Variants in KCNK2 observed in about 807,000 individuals in gnomAD.
The protein encoded by KCNK2 is potassium two pore domain channel subfamily K member 2.
Under a neutral mutation model 40.5 loss-of-function variants are expected in KCNK2, and 21 were observed. That is an observed-to-expected ratio of 0.52 (90% confidence interval 0.37 to 0.75). The LOEUF is 0.75. Among genes scored for constraint, KCNK2 ranks in the 30% least tolerant of loss-of-function variants. KCNK2 has a pLI of 0.00. For synonymous variants in KCNK2, 191 were observed against 202.2 expected, an observed-to-expected ratio of 0.94 and a Z score of 0.47; for missense variants, 399 against 531.6, an observed-to-expected ratio of 0.75 and a Z score of 2.45.
chr1:215,122,193 G>T (rs1381060716), intron 2 of KCNK2, among the ~76,000 whole-genome samples: 1 of 151,882 alleles, frequency 6.6e-6, no homozygotes, highest in Non-Finnish European at 1.5e-5. Context: ...ATCTTCCTTG[G>T]TATGAAGTTT....
chr1:215,088,828 C>A (rs910894112), intron 2 of KCNK2, among the ~76,000 whole-genome samples: 1 of 152,114 alleles, frequency 6.6e-6, no homozygotes, highest in South Asian at 2.1e-4. Context: ...CATTGGCAAT[C>A]CATTTTAGCT....
At chr1:215,058,275 C>T (rs1658238714) in intron 1 of KCNK2, among the ~76,000 whole-genome samples, 1 of 151,992 alleles carries the variant, frequency 6.6e-6, no homozygotes. Context: ...TTCCTTTTTT[C>T]CTTTTAGGGG....
intron 3 of KCNK2, among the ~76,000 whole-genome samples, chr1:215,156,061 C>CTGTGTGTGTG (rs112439818): frequency 6.7e-6 from 1 of 148,638 alleles, no homozygotes; most frequent in African/African-American, 2.5e-5. Flanking sequence ...TATAGGTAGT[C>CTGTGTGTGTG]TGTGTGTGTG....
At position 215,042,210 on chromosome 1, in the gene KCNK2, C is replaced by T. The variant is rs538310204; in HGVS notation, c.34+36255C>T. ...TATGCTAAGCAAATGCAGAAAGACA[C>T]AGATAGGACATAAGATCAAGGGCAC... On this transcript the variant is annotated intron_variant, in intron 1 of 6. Coordinates refer to the KCNK2 transcript ENST00000391895. 5.3e-5 allele frequency among the ~76,000 whole-genome samples: 8 copies of T among 152,256 alleles called. No homozygotes were observed. The East Asian group carries it at 1.5e-3, about 29-fold the overall frequency.
intron 1 of KCNK2, among the ~76,000 whole-genome samples, chr1:215,084,358 T>G (rs1659336468): frequency 6.6e-6 from 1 of 152,160 alleles, no homozygotes; most frequent in African/African-American, 2.4e-5. Flanking sequence ...TGTAAACCAC[T>G]GATGTGAAAA....
At chr1:215,057,394 G>A (rs1658206879) in intron 1 of KCNK2, among the ~76,000 whole-genome samples, 2 of 152,138 alleles carry the variant, frequency 1.3e-5, no homozygotes, top group Non-Finnish European at 2.9e-5. Context: ...CAGGGCAGAA[G>A]GAGTAGAGTC....
intron 3 of KCNK2, among the ~76,000 whole-genome samples, chr1:215,167,794 G>T (rs1008168887): frequency 2.6e-5 from 4 of 151,914 alleles, no homozygotes; most frequent in African/African-American, 9.7e-5. Flanking sequence ...ATAGTCAACA[G>T]GATTATCAGC....
At chr1:215,213,345 A>G (rs562650534) in intron 6 of KCNK2, among the ~76,000 whole-genome samples, 2 of 152,314 alleles carry the variant, frequency 1.3e-5, no homozygotes, top group Admixed American at 1.3e-4. Context: ...GCAGTGGCTC[A>G]CGCCTGTAAT....
At chr1:215,142,452 T>A (rs1662225633) in intron 3 of KCNK2, among the ~76,000 whole-genome samples, 1 of 152,164 alleles carries the variant, frequency 6.6e-6, no homozygotes, top group South Asian at 2.1e-4. Context: ...TAATATAGCA[T>A]GTTATGTGTT....
intron 6 of KCNK2, among the ~76,000 whole-genome samples, chr1:215,214,556 T>C (rs1036511620): frequency 2.0e-5 from 3 of 152,138 alleles, no homozygotes; most frequent in Non-Finnish European, 2.9e-5. Context: ...CCAGGCTCAG[T>C]GACCCATGCA....
At chr1:215,016,969 A>G (rs1656611750) in intron 1 of KCNK2, among the ~76,000 whole-genome samples, 1 of 152,126 alleles carries the variant, frequency 6.6e-6, no homozygotes, top group Non-Finnish European at 1.5e-5. Flanking sequence ...AAGAAGACAT[A>G]CAGACAGGTG....
At chr1:215,190,135 A>G (rs1248564080) in intron 5 of KCNK2, among the ~76,000 whole-genome samples, 1 of 152,204 alleles carries the variant, frequency 6.6e-6, no homozygotes, top group Non-Finnish European at 1.5e-5. Context: ...TTTGTTATTC[A>G]GAAAAAAATT....
At chr1:215,057,374 G>A (rs564355435) in intron 1 of KCNK2, among the ~76,000 whole-genome samples, 21 of 152,254 alleles carry the variant, frequency 1.4e-4, no homozygotes, top group African/African-American at 4.8e-4. Context: ...GGAGGTCAGG[G>A]TAGAAGGAGC....
Position 215,207,623 on chromosome 1 carries a change from G to T in KCNK2, c.963+12531G>T, listed in dbSNP as rs1360416251. ...AACAAGCAAATAAATAAACAAATACGCTCACCAAAGTAGTCACTTTCATAA... is the reference window on the plus strand; with the variant it reads ...AACAAGCAAATAAATAAACAAATACTCTCACCAAAGTAGTCACTTTCATAA... On this transcript the variant is annotated intron_variant, in intron 6 of 6. Coordinates refer to ENST00000444842, the MANE Select transcript of KCNK2 (RefSeq NM_001017425.3). 3.3e-5 allele frequency among the ~76,000 whole-genome samples: 5 copies of T among 152,196 alleles called. No individual in the cohort carries two copies. In the South Asian group the frequency reaches 1.0e-3, roughly 32 times the overall value.
chr1:215,159,789 T>C, intron 3 of KCNK2, among the ~76,000 whole-genome samples: 1 of 152,172 alleles, frequency 6.6e-6, no homozygotes, highest in East Asian at 1.9e-4. Context: ...AACTTTTCAG[T>C]AGTGAAACCT....
At chr1:215,020,750 G>A (rs966692767) in intron 1 of KCNK2, among the ~76,000 whole-genome samples, 4 of 152,262 alleles carry the variant, frequency 2.6e-5, no homozygotes, top group Middle Eastern at 3.4e-3. Context: ...AGATCTCAAT[G>A]GTTTTCCAGT....
intron 1 of KCNK2, among the ~76,000 whole-genome samples, chr1:215,071,921 T>C (rs1281185718): frequency 6.6e-6 from 1 of 152,196 alleles, no homozygotes; most frequent in African/African-American, 2.4e-5. Context: ...TGAGGCCAAC[T>C]TGTGCAAGTG....
rs75187527 is a variant in KCNK2 at position 215,191,299 on chromosome 1, T to A, written c.824-3654T>A. 5.6e-5 allele frequency among the ~76,000 whole-genome samples: 8 copies of A among 141,848 alleles called. No individual in the cohort carries two copies. The East Asian group carries it at 8.3e-4, about 15-fold the overall frequency. 93.1% of individuals were successfully genotyped at this position (141,848 alleles called of 152,430 possible). Reference sequence around the variant, plus strand: ...GCTGCATCTCAAAAAAAAAAAAAAATGCCTTTTAAAAGGTGTCTGCCACGG... The same window carrying A: ...GCTGCATCTCAAAAAAAAAAAAAAAAGCCTTTTAAAAGGTGTCTGCCACGG... On this transcript the variant is annotated intron_variant, in intron 5 of 6. Coordinates refer to ENST00000444842, the MANE Select transcript of KCNK2 (RefSeq NM_001017425.3).
At chr1:215,029,369 C>T (rs1335830294) in intron 1 of KCNK2, among the ~76,000 whole-genome samples, 1 of 134,316 alleles carries the variant, frequency 7.4e-6, no homozygotes, top group Non-Finnish European at 1.6e-5. Flanking sequence ...CTTGGAATCA[C>T]ATAGCATATA....
Sources: gnomAD v4.1 joint callset for allele counts (sites outside exome capture counted in the v4.1 genomes callset) on GRCh38, gnomAD v4.1.1 for gene constraint, MANE v1.5 for transcripts, NCBI Gene and HGNC (gene_info 2026-07-23, HGNC 2026-07-21) for gene names.